The following ZNF320 variants were observed in gnomAD, a reference collection of about 807,000 sequenced individuals.
ZNF320 encodes the protein zinc finger gene 320.
ZNF320 carries 2 observed loss-of-function variants against 6.8 expected under a neutral mutation model. That is an observed-to-expected ratio of 0.29 (90% CI 0.12 to 0.93). The LOEUF (loss-of-function observed/expected upper bound fraction) is 0.93, where lower values mean the gene tolerates loss of function less well. Ranked by LOEUF, ZNF320 falls within the 40% of genes least tolerant of loss-of-function variation. The pLI, the probability that ZNF320 is intolerant of heterozygous loss-of-function variation, is 0.55. For synonymous variants in ZNF320, 208 were observed against 203.2 expected (o/e 1.02, Z -0.20); for missense variants, 472 against 611.0 (o/e 0.77, Z 2.40).
chr19:52,868,712 C>G (rs959672345), intron 5 of ZNF320, among the ~76,000 whole-genome samples: 6 of 151,828 alleles, frequency 4.0e-5, no homozygotes, highest in African/African-American at 1.2e-4. Flanking sequence ...CAACCAGTCA[C>G]AAAAAATGCT....
intron 4 of ZNF320, 134 bp downstream of exon 4, chr19:52,890,107 T>G: frequency 2.9e-6 from 4 of 1,392,600 alleles, no homozygotes; most frequent in Non-Finnish European, 4.0e-6. Flanking sequence ...TAAGAGGGAC[T>G]GAGGGAAGGC....
chr19:52,875,225 A>T (rs2063744175), downstream of ZNF320, among the ~76,000 whole-genome samples: 1 of 152,218 alleles, frequency 6.6e-6, no homozygotes, highest in Non-Finnish European at 1.5e-5. Context: ...GACATGTAGG[A>T]CTGTAAGGGA....
chr19:52,879,117 A>G lies in ZNF320; in HGVS notation c.*1479T>C, dbSNP rs553013882. ...CCAAACCCTGTTCAGACATGTTATA[A>G]CGGATTTGTATCAGTTTATCTTGGT... On this transcript the variant is annotated 3_prime_UTR_variant, in exon 6 of 6. Coordinates refer to ENST00000682928, the MANE Select transcript of ZNF320 (RefSeq NM_001351774.2). 9 of 152,322 alleles carry G rather than the reference A, an allele frequency of 5.9e-5. No individual in the cohort carries two copies. Among genetic ancestry groups the G allele is most frequent in the African/African-American group, 2.2e-4 (9 of 41,568 alleles). 9.4% of individuals were successfully genotyped at this position (152,322 alleles called of 1,614,324 possible).
In ZNF320 at chr19:52,880,845, G is replaced by A; in HGVS notation, c.1281C>T (p.His427=). 6.2e-7 allele frequency: 1 copy of A among 1,613,722 alleles called. No individual in the cohort carries two copies. Among genetic ancestry groups the A allele is most frequent in the South Asian group, 1.1e-5 (1 of 91,066 alleles). The change falls in exon 6 of 6, where the codon CAC becomes CAT. Residue 427 remains histidine, a synonymous_variant. Coordinates refer to ENST00000682928, the MANE Select transcript of ZNF320 (RefSeq NM_001351774.2). ...TATGAATCCTCCTATGTCTTTCAAGGTGTGATTTGCGAATGTAAACTTTGT... is the reference window on the plus strand; with the variant it reads ...TATGAATCCTCCTATGTCTTTCAAGATGTGATTTGCGAATGTAAACTTTGT... The part of the protein sequence containing the change: ...ECDKVYIRKS[H]LERHRRIHTG...
chr19:52,872,847 A>AT (rs2063704310), downstream of ZNF320, among the ~76,000 whole-genome samples: 1 of 152,018 alleles, frequency 6.6e-6, no homozygotes, highest in African/African-American at 2.4e-5. Flanking sequence ...TGGTGAGGGG[A>AT]ATGTAGCAGG....
rs568022092 is a variant in ZNF320, at chr19:52,892,809, C to G, written c.-192+970G>C. Reference sequence around the variant, plus strand: ...ATCCCCAGGTGTCCTCCCTGCTGTGCTTCTCCCTCTGTTCTCCTTGCCACC... The same window carrying G: ...ATCCCCAGGTGTCCTCCCTGCTGTGGTTCTCCCTCTGTTCTCCTTGCCACC... On this transcript the variant is annotated intron_variant, in intron 2 of 5. Transcript: ENST00000682928. 4.4e-4 allele frequency among the ~76,000 whole-genome samples: 67 copies of G among 151,596 alleles called. No individual in the cohort carries two copies. The East Asian group carries it at 5.0e-3, about 11-fold the overall frequency.
chr19:52,861,003 A>C (rs2063484087), exon 6 of ZNF320, among the ~76,000 whole-genome samples: 1 of 122,542 alleles, frequency 8.2e-6, no homozygotes, highest in South Asian at 2.7e-4. Flanking sequence ...AGATTCCGTC[A>C]AAAACAAACA....
chr19:52,872,314 T>C (rs1274241628), downstream of ZNF320, among the ~76,000 whole-genome samples: 3 of 152,192 alleles, frequency 2.0e-5, no homozygotes, highest in Non-Finnish European at 4.4e-5. Context: ...TACCAGTGTA[T>C]ATTAATGTAC....
At chr19:52,868,151 T>G (rs1424101169) in intron 5 of ZNF320, among the ~76,000 whole-genome samples, 1 of 152,114 alleles carries the variant, frequency 6.6e-6, no homozygotes, top group Non-Finnish European at 1.5e-5. Flanking sequence ...CAAAGGCAGT[T>G]TACAGCCTGT....
At chr19:52,900,796 A>G (rs1017591479), upstream of ZNF320, among the ~76,000 whole-genome samples, 6 of 152,024 alleles carry the variant, frequency 3.9e-5, no homozygotes, top group South Asian at 2.1e-4. Flanking sequence ...AGAGGGGCTG[A>G]CTTTTCTTTT....
intron 4 of ZNF320, 80 bp downstream of exon 4, chr19:52,890,161 T>C: frequency 4.4e-6 from 7 of 1,576,072 alleles, no homozygotes; most frequent in Non-Finnish European, 6.1e-6. Flanking sequence ...TGCTTCAGAC[T>C]AAGAGAAGAT....
chr19:52,882,855 C>A, intron 5 of ZNF320, among the ~76,000 whole-genome samples: 1 of 151,892 alleles, frequency 6.6e-6, no homozygotes, highest in East Asian at 2.0e-4. Context: ...GCAGGAAAAT[C>A]ACTTGAACTC....
downstream of ZNF320, chr19:52,874,219 G>A (rs1001037349): frequency 2.7e-5 from 5 of 184,392 alleles, no homozygotes; most frequent in African/African-American, 1.2e-4. Flanking sequence ...ATAAGAAGGT[G>A]CCACAGGAAG....
At chr19:52,889,075 T>C (rs753976486) in intron 4 of ZNF320, among the ~76,000 whole-genome samples, 11 of 151,534 alleles carry the variant, frequency 7.3e-5, no homozygotes, top group Non-Finnish European at 1.3e-4. Context: ...TCCCAGCTAC[T>C]GGGGAAGCTG....
chr19:52,871,917 T>G (rs2063687246), downstream of ZNF320, among the ~76,000 whole-genome samples: 1 of 152,184 alleles, frequency 6.6e-6, no homozygotes. Flanking sequence ...CGTCATCACT[T>G]CATCATCACA....
the ZNF320 span, among the ~76,000 whole-genome samples, chr19:52,903,876 A>G: frequency 1.1e-3 from 170 of 152,364 alleles, 1 homozygote; most frequent in Middle Eastern, 6.8e-3. Flanking sequence ...AAACTAAAGT[A>G]TCTAACAATT....
At position 52,866,869 on chromosome 19, in the gene ZNF320, CAAA is replaced by C. The variant is rs58231328; in HGVS notation, c.224-2713_224-2711del. ...TGAGACACCTGTCTCACAAAACATA[CAAA>C]AAAAAAAAAAAAAAAAAAGAAAAGA... On this transcript the variant is annotated intron_variant, in intron 5 of 5. Transcript: ENST00000673631. Among the ~76,000 whole-genome samples the C allele has an allele frequency of 8.2e-3, 895 of 108,900 alleles. 12 individuals are homozygous for C. The highest frequency in any genetic ancestry group is 0.027 in the African/African-American group (839 of 30,876). 71.4% of individuals were successfully genotyped at this position (108,900 alleles called of 152,430 possible).
At chr19:52,886,896 C>T (rs192339445) in intron 5 of ZNF320, among the ~76,000 whole-genome samples, 1 of 150,396 alleles carries the variant, frequency 6.6e-6, no homozygotes, top group African/African-American at 2.4e-5. Flanking sequence ...GATCGTTCCA[C>T]TGCACTGTAG....
rs1464017688 is a variant in ZNF320 at position 52,887,731 on chromosome 19, T to C, written c.142+396A>G. The stretch of plus-strand genomic sequence containing the variant: ...CCTTTCTAGGAGCTGGGATTGCAGG[T>C]GTGCACCATGACGTCCGGCTAATTT... On this transcript the variant is annotated intron_variant, in intron 5 of 5. Coordinates refer to ENST00000682928, the MANE Select transcript of ZNF320 (RefSeq NM_001351774.2). Among the ~76,000 whole-genome samples the C allele has an allele frequency of 2.0e-5, 3 of 152,078 alleles. No homozygotes were observed. In the East Asian group the frequency reaches 5.8e-4, roughly 29 times the overall value.
Sources: gnomAD v4.1 joint callset for allele counts (sites outside exome capture counted in the v4.1 genomes callset) on GRCh38, gnomAD v4.1.1 for gene constraint, MANE v1.5 for transcripts, NCBI Gene and HGNC (gene_info 2026-07-23, HGNC 2026-07-21) for gene names.